Variants in DYNC1LI1 observed in about 807,000 individuals in gnomAD.
The protein encoded by DYNC1LI1 is dynein cytoplasmic 1 light intermediate chain 1.
DYNC1LI1 carries 19 observed loss-of-function variants against 63.8 expected under a neutral mutation model. The observed-to-expected ratio is 0.30, with a 90% confidence interval of 0.21 to 0.44. The LOEUF (loss-of-function observed/expected upper bound fraction) is 0.44. DYNC1LI1 is among the 20% of genes least tolerant of loss of function. The probability of loss-of-function intolerance (pLI) is 1.00; values close to 1 mark genes in which losing one functional copy is unlikely to be tolerated. For synonymous variants in DYNC1LI1, 225 were observed against 232.3 expected (o/e 0.97, Z 0.28); for missense variants, 565 against 630.2 (o/e 0.90, Z 1.11).
chr3:32,565,127 C>A (rs1446711388), intron 2 of DYNC1LI1, among the ~76,000 whole-genome samples: 1 of 152,162 alleles, frequency 6.6e-6, no homozygotes, highest in South Asian at 2.1e-4. Context: ...AAATGGCCCA[C>A]ATCTATATTA....
chr3:32,526,670 C>A lies in DYNC1LI1; in HGVS notation c.*129G>T, dbSNP rs978327012. ...ATGGGTAACCACACACACACACACA[C>A]ACACACACGACATAAATTTAGTCCA... On this transcript the variant is annotated 3_prime_UTR_variant, in exon 13 of 13. Transcript: ENST00000273130. 3.1e-4 allele frequency: 211 copies of A among 678,342 alleles called. No homozygotes were observed. The highest frequency in any genetic ancestry group is 5.4e-5 in the Non-Finnish European group (21 of 385,896). 42.0% of individuals were successfully genotyped at this position (678,342 alleles called of 1,614,324 possible). A position where few individuals can be genotyped will look rare whatever the true frequency, so the allele number is the denominator to read the frequency against.
rs1451977268 is a variant in DYNC1LI1 at position 32,554,918 on chromosome 3, G to C, written c.221-8953C>G. ...AGACTCTCACTTTGTCACCCAGGAT[G>C]GAGTGCAATAGCGCAATCTTGGCTC... On this transcript the variant is annotated intron_variant, in intron 2 of 12. Coordinates refer to ENST00000273130, the MANE Select transcript of DYNC1LI1 (RefSeq NM_016141.4). 2.4e-5 allele frequency among the ~76,000 whole-genome samples: 3 copies of C among 126,914 alleles called. No individual in the cohort carries two copies. The East Asian group carries it at 7.6e-4, about 32-fold the overall frequency. The allele number at this position is 126,914 out of a possible 152,430, so 83.3% of individuals were successfully genotyped here.
chr3:32,528,727 C>G (rs1427340412), intron 11 of DYNC1LI1, 126 bp from the exon 12 acceptor site: 8 of 923,040 alleles, frequency 8.7e-6, no homozygotes, highest in Non-Finnish European at 1.1e-5. Flanking sequence ...ATTCCAAATT[C>G]AAGTCTAGTT....
chr3:32,536,940 T>C (rs1697782194), intron 6 of DYNC1LI1, 71 bp downstream of exon 6: 2 of 832,254 alleles, frequency 2.4e-6, no homozygotes, highest in African/African-American at 1.8e-5. Context: ...ATCAATTTAA[T>C]TCTTTTAACT....
At position 32,534,543 on chromosome 3, in the gene DYNC1LI1, AGGAATCTTATAG is replaced by A. The variant is rs1181238873; in HGVS notation, c.924_935del (p.Tyr309_Pro312del). 1.3e-6 allele frequency: 2 copies of A among 1,595,910 alleles called. No individual in the cohort carries two copies. Among genetic ancestry groups the A allele is most frequent in the Non-Finnish European group, 1.7e-6 (2 of 1,167,882 alleles). ...CTGCATCCTTTTCCACAACAACAGC[AGGAATCTTATAG>A]GGAAATCCATATAGTTTCTGAACGA... is the stretch of plus-strand genomic sequence containing the variant. On this transcript the variant is annotated inframe_deletion, in exon 7 of 13. Coordinates refer to ENST00000273130, the MANE Select transcript of DYNC1LI1 (RefSeq NM_016141.4).
chr3:32,526,897 C>T lies in DYNC1LI1; in HGVS notation c.1474G>A (p.Val492Ile), dbSNP rs752625513. The T allele has an allele frequency of 1.2e-6, 2 of 1,613,374 alleles. No individual in the cohort carries two copies. Among genetic ancestry groups the T allele is most frequent in the Non-Finnish European group, 8.5e-7 (1 of 1,179,442 alleles). ...PSTKKSGQKP[V>I]LDVHAELDRI... ...TCTAGTTCTGCATGAACATCTAAGA[C>T]AGGCTTCTGGCCTACATTGAAGAAA... Residue 492 changes from valine to isoleucine, a missense_variant, in exon 13 of 13, where the codon GTC becomes ATC. Val to Ile is a conservative substitution (Grantham distance 29). Coordinates refer to ENST00000273130, the MANE Select transcript of DYNC1LI1 (RefSeq NM_016141.4).
chr3:32,534,477 C>T, intron 7 of DYNC1LI1, 34 bp downstream of exon 7: 1 of 1,436,840 alleles, frequency 7.0e-7, no homozygotes, highest in Non-Finnish European at 9.5e-7. Flanking sequence ...AGCAATAATA[C>T]ATGATAAAAT....
chr3:32,569,917 G>A (rs2125448373), intron 2 of DYNC1LI1, among the ~76,000 whole-genome samples: 1 of 152,342 alleles, frequency 6.6e-6, no homozygotes, highest in South Asian at 2.1e-4. Context: ...TCTAGCTTCT[G>A]TCAATTATAC....
At chr3:32,534,774 T>C (rs1697752510) in intron 6 of DYNC1LI1, 128 bp from the exon 7 acceptor site, 1 of 643,432 alleles carries the variant, frequency 1.6e-6, no homozygotes, top group East Asian at 3.2e-5. Flanking sequence ...AGGTATATTA[T>C]ATGGTAATCA....
At position 32,544,863 on chromosome 3, in the gene DYNC1LI1, C is replaced by T. The variant is rs1212253307; in HGVS notation, c.568+13G>A. ...GTATTTGAAACCTACATTACTGTTT[C>T]TAGATTACTTACACTTTTGTTCCAT... On this transcript the variant is annotated intron_variant, in intron 4 of 12. Coordinates refer to ENST00000273130, the MANE Select transcript of DYNC1LI1 (RefSeq NM_016141.4). 1.3e-6 allele frequency: 2 copies of T among 1,562,956 alleles called. No individual in the cohort carries two copies.
rs1001777906 is a variant in DYNC1LI1, at chr3:32,532,854, C to T, written c.1080+132G>A. On this transcript the variant is annotated intron_variant, in intron 8 of 12. Coordinates refer to ENST00000273130, the MANE Select transcript of DYNC1LI1 (RefSeq NM_016141.4). ...ATGTAAACTGTACATTAGAAACACA[C>T]CAAAATTATACTTAGAAACCCTCCA... 1.7e-5 allele frequency: 23 copies of T among 1,362,144 alleles called. No individual in the cohort carries two copies. In the African/African-American group the frequency reaches 3.3e-4, roughly 20 times the overall value. 84.4% of individuals were successfully genotyped at this position (1,362,144 alleles called of 1,614,324 possible).
rs143643890 is a variant in DYNC1LI1, at chr3:32,566,158, G to A, written c.220+4188C>T. On this transcript the variant is annotated intron_variant, in intron 2 of 12. Coordinates refer to ENST00000273130, the MANE Select transcript of DYNC1LI1 (RefSeq NM_016141.4). ...GTGGTGACACGCACCTGTAGTCCCAGCTACTTAGGAGGCTGAGGCAGGAGG... is the reference window on the plus strand; with the variant it reads ...GTGGTGACACGCACCTGTAGTCCCAACTACTTAGGAGGCTGAGGCAGGAGG... Among the ~76,000 whole-genome samples the A allele has an allele frequency of 8.0e-3, 1,224 of 152,168 alleles. 12 individuals are homozygous for A. The highest frequency in any genetic ancestry group is 0.028 in the African/African-American group (1,172 of 41,516).
intron 2 of DYNC1LI1, among the ~76,000 whole-genome samples, chr3:32,546,174 G>A (rs1369846144): frequency 1.3e-5 from 2 of 152,102 alleles, no homozygotes; most frequent in South Asian, 2.1e-4. Context: ...TTGGGAGGCC[G>A]AGGCAGGCAG....
intron 2 of DYNC1LI1, among the ~76,000 whole-genome samples, chr3:32,561,002 CAAAAAAA>C (rs59037467): frequency 7.7e-5 from 2 of 26,118 alleles, no homozygotes; most frequent in East Asian, 1.5e-3. Flanking sequence ...AACTCCGTCT[CAAAAAAA>C]AAAAAAAAAA....
intron 2 of DYNC1LI1, among the ~76,000 whole-genome samples, chr3:32,551,995 A>G (rs553729931): frequency 6.6e-6 from 1 of 152,326 alleles, no homozygotes; most frequent in South Asian, 2.1e-4. Context: ...ACTACTTACT[A>G]GTCATTACTA....
At chr3:32,563,290 T>TA (rs1326321133) in intron 2 of DYNC1LI1, among the ~76,000 whole-genome samples, 1 of 112,996 alleles carries the variant, frequency 8.8e-6, no homozygotes, top group Non-Finnish European at 1.9e-5. Context: ...GGTCACTTAC[T>TA]TTTTTTTTTT....
chr3:32,526,038 A>G lies in DYNC1LI1; in HGVS notation c.*761T>C, dbSNP rs1697610988. 1 of 152,310 alleles carries G rather than the reference A, an allele frequency of 6.6e-6. No individual in the cohort carries two copies. 9.4% of individuals were successfully genotyped at this position (152,310 alleles called of 1,614,324 possible). On this transcript the variant is annotated 3_prime_UTR_variant, in exon 13 of 13. Coordinates refer to ENST00000273130, the MANE Select transcript of DYNC1LI1 (RefSeq NM_016141.4). Reference sequence around the variant, plus strand: ...ATTACAGTTGAAAGTCACAAACAAAAAAGGGGGTATATTAAGGCAAAGCCA... The same window carrying G: ...ATTACAGTTGAAAGTCACAAACAAAGAAGGGGGTATATTAAGGCAAAGCCA...
intron 2 of DYNC1LI1, among the ~76,000 whole-genome samples, chr3:32,569,085 T>C (rs1375296344): frequency 1.3e-5 from 2 of 152,184 alleles, no homozygotes; most frequent in Non-Finnish European, 2.9e-5. Context: ...ATTAACTCAT[T>C]TGATTCCCGC....
chr3:32,542,864 G>A (rs978981699), intron 4 of DYNC1LI1, among the ~76,000 whole-genome samples: 3 of 152,212 alleles, frequency 2.0e-5, no homozygotes, highest in Non-Finnish European at 2.9e-5. Context: ...TCAAGGAATA[G>A]GGAATCCCGA....
Sources: allele counts gnomAD v4.1 joint callset (sites outside exome capture counted in the v4.1 genomes callset), GRCh38; gene constraint gnomAD v4.1.1; transcripts MANE v1.5; gene names NCBI Gene and HGNC (gene_info 2026-07-23, HGNC 2026-07-21).